Variants in KMT2C observed in about 807,000 individuals in gnomAD.
KMT2C encodes the protein histone-lysine N-methyltransferase 2C.
A neutral mutation model predicts 507.9 loss-of-function variants in KMT2C; 88 were observed. The observed-to-expected ratio is 0.17, with a 90% CI of 0.15 to 0.21. The LOEUF is 0.21. KMT2C is among the 10% of genes least tolerant of loss of function. The pLI, the probability that KMT2C is intolerant of heterozygous loss-of-function variation, is 1.00. For missense variants in KMT2C, 4,954 were observed against 5,957.8 expected, an observed-to-expected ratio of 0.83 and a Z score of 5.55; for synonymous variants, 2,049 against 2,080.8, an observed-to-expected ratio of 0.98 and a Z score of 0.42.
chr7:152,372,947 T>A (rs1048911321), intron 1 of KMT2C, among the ~76,000 whole-genome samples: 4 of 152,174 alleles, frequency 2.6e-5, no homozygotes, highest in African/African-American at 9.7e-5. Context: ...CCAGGATAGA[T>A]CATATGTTAG....
In KMT2C at chr7:152,144,157, T is replaced by C. The variant is rs2090877187; in HGVS notation, c.14343+556A>G. Among the ~76,000 whole-genome samples, 2 of 152,074 alleles carry C rather than the reference T, an allele frequency of 1.3e-5. No individual in the cohort carries two copies. The highest frequency in any genetic ancestry group is 4.8e-5 in the African/African-American group (2 of 41,378). ...AGCTTTGTAATTCCATTCTGAGACA[T>C]CCAAGGAGAAAAATGCTGAACAGGC... On this transcript the variant is annotated intron_variant, in intron 55 of 58. Coordinates refer to ENST00000262189, the MANE Select transcript of KMT2C (RefSeq NM_170606.3). The surrounding 1 kb of genome is among the most constrained non-coding windows in gnomAD (Gnocchi z 4.4).
chr7:152,283,866 T>C (rs1026148469), intron 6 of KMT2C, among the ~76,000 whole-genome samples: 1 of 152,210 alleles, frequency 6.6e-6, no homozygotes, highest in Non-Finnish European at 1.5e-5. Context: ...ATTAACATGA[T>C]GTTAACTGCT....
At chr7:152,311,989 A>C (rs1363826499) in intron 4 of KMT2C, 43 bp from the exon 5 acceptor site, 2 of 1,488,698 alleles carry the variant, frequency 1.3e-6, no homozygotes, top group Non-Finnish European at 1.8e-6. Flanking sequence ...AAACAAGCAG[A>C]AAATTGTTTC....
intron 18 of KMT2C, among the ~76,000 whole-genome samples, chr7:152,225,441 T>G (rs1054108440): frequency 6.6e-6 from 1 of 152,240 alleles, no homozygotes; most frequent in Non-Finnish European, 1.5e-5. Flanking sequence ...CAACTCCAGA[T>G]GCTAGAAGAG....
At chr7:152,424,467 G>A (rs1426937164) in intron 1 of KMT2C, among the ~76,000 whole-genome samples, 1 of 152,040 alleles carries the variant, frequency 6.6e-6, no homozygotes, top group Non-Finnish European at 1.5e-5. Context: ...CTGTCGCCCA[G>A]GCTTGAGTGC....
intron 31 of KMT2C, among the ~76,000 whole-genome samples, chr7:152,189,533 C>T (rs1414306289): frequency 6.6e-6 from 1 of 152,010 alleles, no homozygotes; most frequent in Non-Finnish European, 1.5e-5. Context: ...GTCTCATACA[C>T]GTACATTTTA....
At chr7:152,253,167 C>A (rs374593722) in intron 9 of KMT2C, among the ~76,000 whole-genome samples, 1 of 151,906 alleles carries the variant, frequency 6.6e-6, no homozygotes, top group African/African-American at 2.4e-5. Context: ...AGGGTATACA[C>A]CTTTTAAAAA....
intron 40 of KMT2C, 141 bp from the exon 41 acceptor site, chr7:152,169,390 T>C: frequency 1.6e-6 from 1 of 615,494 alleles, no homozygotes; most frequent in Non-Finnish European, 2.8e-6. Flanking sequence ...GGTTTTTTTA[T>C]AAAAAGTAGA....
At chr7:152,149,224 A>G (rs1223744581) in intron 51 of KMT2C, 72 bp from the exon 52 acceptor site, 29 of 1,406,662 alleles carry the variant, frequency 2.1e-5, no homozygotes, top group Non-Finnish European at 2.7e-5. Context: ...TGTTAAGACA[A>G]GAAGCTGAGC....
chr7:152,148,318 T>C lies in KMT2C; in HGVS notation c.13609A>G (p.Ser4537Gly), dbSNP rs1354764202. ...VQRDEVRQIA[S>G]IVQRGERDHT... ...TCCCGTTCTCCTCGTTGCACGATGCTAGCAATCTGTCGCACCTCATCACGC... is the reference window on the plus strand; with the variant it reads ...TCCCGTTCTCCTCGTTGCACGATGCCAGCAATCTGTCGCACCTCATCACGC... Residue 4537 changes from serine (S) to glycine (G), a missense_variant, in exon 52 of 59, where the codon AGC (serine) becomes GGC (glycine). This residue lies in a region of KMT2C where 221 missense variants were observed against 304.7 expected (regional missense o/e 0.73). Coordinates refer to ENST00000262189, the MANE Select transcript of KMT2C (RefSeq NM_170606.3). This position sits in a 1 kb window ranked among gnomAD's most constrained non-coding sequence, Gnocchi z 7.1. 2 of 1,614,160 alleles carry C rather than the reference T, an allele frequency of 1.2e-6. No homozygotes were observed. Among genetic ancestry groups the C allele is most frequent in the Admixed American group, 3.3e-5 (2 of 60,016 alleles).
At chr7:152,289,415 C>A (rs1180966091) in intron 6 of KMT2C, among the ~76,000 whole-genome samples, 1 of 152,022 alleles carries the variant, frequency 6.6e-6, no homozygotes, top group Non-Finnish European at 1.5e-5. Context: ...ATCTATGTGA[C>A]AAAACGAGAA....
intron 1 of KMT2C, among the ~76,000 whole-genome samples, chr7:152,379,024 T>G (rs2097350047): frequency 6.6e-6 from 1 of 152,182 alleles, no homozygotes. Context: ...TAGCCCTCTC[T>G]CCTTCAACAG....
intron 42 of KMT2C, among the ~76,000 whole-genome samples, chr7:152,164,513 T>C (rs1341096982): frequency 1.3e-5 from 2 of 152,024 alleles, no homozygotes; most frequent in South Asian, 2.1e-4. Context: ...ATGGTCTCGA[T>C]CTCCTGACCT....
chr7:152,320,584 GAGT>G (rs67513553), intron 3 of KMT2C, among the ~76,000 whole-genome samples: 16,531 of 151,792 alleles, frequency 0.11, 2,185 homozygotes, highest in African/African-American at 0.31. Context: ...AACTCAACCT[GAGT>G]TTCTCAGAAC....
chr7:152,185,719 T>C (rs2093606115), intron 33 of KMT2C, 88 bp from the exon 34 acceptor site: 2 of 979,426 alleles, frequency 2.0e-6, no homozygotes, highest in South Asian at 2.6e-5. Flanking sequence ...TGCTGACAGT[T>C]AATCTTATTC....
chr7:152,419,269 T>G (rs964116833), intron 1 of KMT2C, among the ~76,000 whole-genome samples: 9 of 151,946 alleles, frequency 5.9e-5, no homozygotes, highest in African/African-American at 2.2e-4. Context: ...GAGAATCACT[T>G]GAACTCGGGA....
chr7:152,287,612 T>G (rs1251381344), intron 6 of KMT2C, among the ~76,000 whole-genome samples: 4 of 152,164 alleles, frequency 2.6e-5, no homozygotes, highest in African/African-American at 9.7e-5. Context: ...TATACCATAC[T>G]AAGAACCAGG....
At chr7:152,228,543 C>A (rs1459966178) in intron 18 of KMT2C, among the ~76,000 whole-genome samples, 1 of 152,158 alleles carries the variant, frequency 6.6e-6, no homozygotes, top group Non-Finnish European at 1.5e-5. Flanking sequence ...AACAGGAATT[C>A]AAATTCTAGC....
chr7:152,288,683 A>G (rs1351485477), intron 6 of KMT2C, among the ~76,000 whole-genome samples: 2 of 152,228 alleles, frequency 1.3e-5, no homozygotes, highest in East Asian at 3.8e-4. Context: ...CACAGATTCA[A>G]GAAATTGAAT....
Sources: gnomAD v4.1 joint callset for allele counts (sites outside exome capture counted in the v4.1 genomes callset) on GRCh38, gnomAD v4.1.1 for gene constraint, gnomAD v4.1.1 regional missense constraint, Gnocchi (gnomAD v3.1) non-coding constraint, MANE v1.5 for transcripts, NCBI Gene and HGNC (gene_info 2026-07-23, HGNC 2026-07-21) for gene names.